The following USP35 variants were observed in gnomAD, a reference collection of about 807,000 sequenced individuals.
USP35 encodes ubiquitin carboxyl-terminal hydrolase 35.
A neutral mutation model predicts 83.8 loss-of-function variants in USP35; 69 were observed. The ratio of observed to expected loss-of-function variants is 0.82; its 90% CI spans 0.68 to 1.01. The LOEUF (loss-of-function observed/expected upper bound fraction) is 1.01, where lower values mean the gene tolerates loss of function less well. Ranked by LOEUF, USP35 falls within the 50% of genes least tolerant of loss-of-function variation. The pLI is 0.00. For synonymous variants in USP35, 714 were observed against 589.5 expected, an observed-to-expected ratio of 1.21 and a Z score of -3.06; for missense variants, 1,503 against 1,362.5, an observed-to-expected ratio of 1.10 and a Z score of -1.62.
In USP35 at chr11:78,213,887, C is replaced by T; in HGVS notation, c.*74C>T. ...GCCTGAGGGAAGCTGTGGAGGCAGG[C>T]CCTACCAAGAGGAAGGATGGTACAG... On this transcript the variant is annotated 3_prime_UTR_variant, in exon 11 of 11. Transcript: ENST00000529308. 1.3e-6 allele frequency: 2 copies of T among 1,499,494 alleles called. No homozygotes were observed. Among genetic ancestry groups the T allele is most frequent in the Non-Finnish European group, 1.8e-6 (2 of 1,131,664 alleles). 92.9% of individuals were successfully genotyped at this position (1,499,494 alleles called of 1,614,324 possible). A position where few individuals can be genotyped will look rare whatever the true frequency, so the allele number is the denominator to read the frequency against.
At position 78,206,086 on chromosome 11, in the gene USP35, C is replaced by T. The variant is rs775767226; in HGVS notation, c.1391+51C>T. 1.7e-5 allele frequency: 27 copies of T among 1,577,280 alleles called. No individual in the cohort carries two copies. In the East Asian group the frequency reaches 6.1e-4, roughly 36 times the overall value. ...TCTGCCCTTGCTTCTCTCCTCTGGG[C>T]TCCCTGATGACAGGTGGAAAGGTGT... On this transcript the variant is annotated intron_variant, in intron 7 of 10. Coordinates refer to ENST00000529308, the MANE Select transcript of USP35 (RefSeq NM_020798.4).
chr11:78,194,760 C>T (rs1863093908), intron 1 of USP35, among the ~76,000 whole-genome samples: 1 of 152,100 alleles, frequency 6.6e-6, no homozygotes, highest in Non-Finnish European at 1.5e-5. Context: ...ATTTGCTCAT[C>T]CAGCAAATGC....
At chr11:78,212,780 TAAG>T (rs1468089653) in intron 10 of USP35, among the ~76,000 whole-genome samples, 1 of 152,154 alleles carries the variant, frequency 6.6e-6, no homozygotes. Context: ...CTTAACAGCT[TAAG>T]AAGCTCCTGG....
chr11:78,213,511 C>T, intron 10 of USP35, 135 bp from the exon 11 acceptor site: 1 of 1,044,816 alleles, frequency 9.6e-7, no homozygotes, highest in Non-Finnish European at 1.3e-6. Context: ...TATCCTGCCA[C>T]TGAGCTGCAA....
downstream of USP35, among the ~76,000 whole-genome samples, chr11:78,220,052 T>A (rs963196859): frequency 6.6e-6 from 1 of 152,168 alleles, no homozygotes; most frequent in Non-Finnish European, 1.5e-5. Flanking sequence ...CAGATCTCTG[T>A]GCACTCATTT....
At chr11:78,207,732 A>T in intron 8 of USP35, 109 bp downstream of exon 8, 5 of 1,137,214 alleles carry the variant, frequency 4.4e-6, no homozygotes, top group Non-Finnish European at 6.4e-6. Context: ...GTCATCTCCC[A>T]TGTCAGTTGC....
downstream of USP35, chr11:78,218,045 C>T (rs1270112175): frequency 6.5e-6 from 1 of 153,134 alleles, no homozygotes; most frequent in Non-Finnish European, 1.5e-5. Context: ...CCTGCACCCC[C>T]AAGGATTGCG....
the USP35 span, chr11:78,223,463 T>C: frequency 1.3e-5 from 21 of 1,591,056 alleles, no homozygotes; most frequent in South Asian, 2.4e-4. Context: ...TGAATCTCAC[T>C]TCCTCTGCTG....
At position 78,196,580 on chromosome 11, in the gene USP35, C is replaced by T. The variant is rs1303740180; in HGVS notation, c.335C>T (p.Pro112Leu). 1 of 1,246,364 alleles carries T rather than the reference C, an allele frequency of 8.0e-7. No homozygotes were observed. 77.2% of individuals were successfully genotyped at this position (1,246,364 alleles called of 1,614,324 possible). The change falls in exon 2 of 11, where the codon CCC becomes CTC. Residue 112 changes from proline (P) to leucine (L), a missense_variant. Physicochemically the swap from Pro to Leu is moderately conservative, Grantham distance 98 (BLOSUM62 -3). Coordinates refer to ENST00000529308, the MANE Select transcript of USP35 (RefSeq NM_020798.4). This position sits in a 1 kb window ranked among gnomAD's most constrained non-coding sequence, Gnocchi z 4.8. ...GTGCAGCTGGGTCTGCAGCTGCTGCCCGAGGGGCCTGCGGCCGACGAGGTG... is the reference window on the plus strand; with the variant it reads ...GTGCAGCTGGGTCTGCAGCTGCTGCTCGAGGGGCCTGCGGCCGACGAGGTG... ...ACVQLGLQLL[P>L]EGPAADEVFA... is the part of the protein sequence containing the mutation.
rs183937994 is a variant in USP35, at chr11:78,199,655, G to A, written c.867G>A (p.Leu289=). The change falls in exon 4 of 11, where the codon CTG becomes CTA. Residue 289 remains leucine, a synonymous_variant. Transcript: ENST00000529308. The part of the protein sequence containing the change: ...GKNIDKWIIA[L]LKGLAAVKKF... ...ATATTGACAAGTGGATCATTGCACT[G>A]CTGAAGGGCCTGGCTGCTGTTAAGA... 38 of 1,614,146 alleles carry A rather than the reference G, an allele frequency of 2.4e-5. No individual in the cohort carries two copies. In the African/African-American group the frequency reaches 4.3e-4, roughly 18 times the overall value.
At chr11:78,205,732 G>T in intron 6 of USP35, 110 bp from the exon 7 acceptor site, 1 of 1,215,110 alleles carries the variant, frequency 8.2e-7, no homozygotes, top group Non-Finnish European at 1.2e-6. Flanking sequence ...GGGTGTGCCT[G>T]GGAGGCCTTG....
At position 78,200,117 on chromosome 11, in the gene USP35, A is replaced by G; in HGVS notation, c.937-16A>G. 1.2e-6 allele frequency: 2 copies of G among 1,614,076 alleles called. No individual in the cohort carries two copies. Among genetic ancestry groups the G allele is most frequent in the Non-Finnish European group, 1.7e-6 (2 of 1,179,924 alleles). ...AGCTCAAGCCTGGGGACTCCTGACC[A>G]GGGACTCTCTTGTAGGTTTTCTCTA... On this transcript the variant is annotated splice_polypyrimidine_tract_variant and intron_variant, in intron 4 of 10. Transcript: ENST00000529308.
At chr11:78,229,176 T>C in the USP35 span, among the ~76,000 whole-genome samples, 5 of 152,162 alleles carry the variant, frequency 3.3e-5, no homozygotes, top group Admixed American at 6.5e-5. Flanking sequence ...GGAAGCCTCC[T>C]TCAGAGATGT....
At chr11:78,203,082 AT>A (rs1170515869) in intron 6 of USP35, among the ~76,000 whole-genome samples, 1 of 151,980 alleles carries the variant, frequency 6.6e-6, no homozygotes, top group African/African-American at 2.4e-5. Flanking sequence ...GGGCCCATGG[AT>A]TGTCTGATCA....
In USP35 at chr11:78,213,694, CCCACATCTCCGCACTGG is replaced by C. The variant is rs1373511170; in HGVS notation, c.2939_2955del (p.Pro980ArgfsTer5). ...CAGGGCGGCCTACATCTCTGCACTC[CCCACATCTCCGCACTGG>C]GGGAGGGGCTTTGATGAAGACAAGG... On this transcript the variant is annotated frameshift_variant, in exon 11 of 11. Transcript: ENST00000529308. LOFTEE classifies it high-confidence loss of function. The C allele has an allele frequency of 6.5e-6, 10 of 1,527,100 alleles. No individual in the cohort carries two copies. The highest frequency in any genetic ancestry group is 1.4e-5 in the African/African-American group (1 of 69,016). 94.6% of individuals were successfully genotyped at this position (1,527,100 alleles called of 1,614,324 possible).
chr11:78,210,234 G>T lies in USP35; in HGVS notation c.2379G>T (p.Lys793Asn), dbSNP rs1863705007. Residue 793 changes from lysine to asparagine, a missense_variant, in exon 10 of 11, where the codon AAG becomes AAT. Coordinates refer to ENST00000529308, the MANE Select transcript of USP35 (RefSeq NM_020798.4). ...ESCASLQDAEKVVELSQGPCY... is the reference protein window; with the variant it reads ...ESCASLQDAENVVELSQGPCY... ...GTGCCTCCCTGCAGGATGCCGAGAA[G>T]GTGGTGGAGCTGAGCCAAGGGCCGT... 1 of 1,613,962 alleles carries T rather than the reference G, an allele frequency of 6.2e-7. No homozygotes were observed. The highest frequency in any genetic ancestry group is 1.7e-5 in the Admixed American group (1 of 60,006).
chr11:78,228,786 T>C, the USP35 span, among the ~76,000 whole-genome samples: 1 of 151,568 alleles, frequency 6.6e-6, no homozygotes, highest in African/African-American at 2.4e-5. Flanking sequence ...GCTTGGATGA[T>C]TGAACATCTA....
In USP35 at chr11:78,213,656, A is replaced by C. The variant is rs1863907648; in HGVS notation, c.2900A>C (p.Lys967Thr). The change falls in exon 11 of 11, where the codon AAG becomes ACG. Residue 967 changes from lysine to threonine, a missense_variant. Coordinates refer to ENST00000529308, the MANE Select transcript of USP35 (RefSeq NM_020798.4). ...DNILYLQEQEKEARSRAAYIS... is the reference protein window; with the variant it reads ...DNILYLQEQETEARSRAAYIS... ...CATCTGTGTTCCCAGGAGCAGGAGA[A>C]GGAGGCCCGGAGCAGGGCGGCCTAC... is the stretch of plus-strand genomic sequence containing the variant. The C allele has an allele frequency of 1.3e-6, 2 of 1,492,242 alleles. No homozygotes were observed. Among genetic ancestry groups the C allele is most frequent in the East Asian group, 5.4e-5 (2 of 37,264 alleles). 92.4% of individuals were successfully genotyped at this position (1,492,242 alleles called of 1,614,324 possible). A position where few individuals can be genotyped will look rare whatever the true frequency, so the allele number is the denominator to read the frequency against.
the USP35 span, among the ~76,000 whole-genome samples, chr11:78,225,886 A>G: frequency 0.016 from 2,457 of 152,348 alleles, 82 homozygotes; most frequent in African/African-American, 0.057. Flanking sequence ...TGCAAAATGA[A>G]AGGAATTAAT....
Sources: allele counts gnomAD v4.1 joint callset (sites outside exome capture counted in the v4.1 genomes callset), GRCh38; gene constraint gnomAD v4.1.1; non-coding constraint Gnocchi (gnomAD v3.1); transcripts MANE v1.5; gene names NCBI Gene and HGNC (gene_info 2026-07-23, HGNC 2026-07-21).